The following GABBR2 variants were observed in gnomAD, a reference collection of about 807,000 sequenced individuals.
GABBR2 encodes the protein gamma-aminobutyric acid type B receptor subunit 2.
GABBR2 carries 23 observed loss-of-function variants against 105.6 expected under a neutral mutation model. The observed-to-expected ratio is 0.22, with a 90% CI of 0.16 to 0.31. The LOEUF is 0.31. GABBR2 is among the 10% of genes least tolerant of loss of function. GABBR2 has a pLI of 1.00. For synonymous variants in GABBR2, 478 were observed against 499.7 expected (o/e 0.96, Z 0.58); for missense variants, 734 against 1,245.5 (o/e 0.59, Z 6.18).
chr9:98,638,314 G>A (rs1342395676), intron 1 of GABBR2, among the ~76,000 whole-genome samples: 1 of 152,200 alleles, frequency 6.6e-6, no homozygotes, highest in African/African-American at 2.4e-5. Context: ...AGAGTTGTGA[G>A]CGTGCTTGAA....
Position 98,657,242 on chromosome 9 carries a change from C to T in GABBR2, c.321+51175G>A, listed in dbSNP as rs541085492. Among the ~76,000 whole-genome samples, 9 of 152,236 alleles carry T rather than the reference C, an allele frequency of 5.9e-5. 1 individual carries two copies. In the South Asian group the frequency reaches 1.2e-3, roughly 21 times the overall value. ...AAGTGTCAGCTGACATTTATCATTGCGGTTGCAAAGTGTTGTTTTTCTTAT... is the reference window on the plus strand; with the variant it reads ...AAGTGTCAGCTGACATTTATCATTGTGGTTGCAAAGTGTTGTTTTTCTTAT... On this transcript the variant is annotated intron_variant, in intron 1 of 18. Coordinates refer to ENST00000259455, the MANE Select transcript of GABBR2 (RefSeq NM_005458.8).
intron 2 of GABBR2, among the ~76,000 whole-genome samples, chr9:98,556,957 T>C (rs948350099): frequency 6.6e-6 from 1 of 152,128 alleles, no homozygotes; most frequent in Non-Finnish European, 1.5e-5. Context: ...GGCAGAAGAA[T>C]TGCTTAAGCC....
intron 1 of GABBR2, among the ~76,000 whole-genome samples, chr9:98,643,940 T>C (rs145194425): frequency 6.6e-6 from 1 of 152,268 alleles, no homozygotes; most frequent in Non-Finnish European, 1.5e-5. Context: ...TGCCTAAGCC[T>C]CCGGGGGCTA....
At chr9:98,331,585 T>C (rs1028602272) in intron 13 of GABBR2, among the ~76,000 whole-genome samples, 1 of 152,062 alleles carries the variant, frequency 6.6e-6, no homozygotes, top group Non-Finnish European at 1.5e-5. Flanking sequence ...TAACCCATCA[T>C]TGTGGCTCCA....
chr9:98,497,433 A>G (rs921687469), intron 3 of GABBR2, among the ~76,000 whole-genome samples: 2 of 152,118 alleles, frequency 1.3e-5, no homozygotes, highest in Non-Finnish European at 2.9e-5. Context: ...GAATTAAAAA[A>G]AAAAGAAAGT....
intron 7 of GABBR2, among the ~76,000 whole-genome samples, chr9:98,420,633 C>G (rs1206369400): frequency 6.6e-6 from 1 of 152,174 alleles, no homozygotes. Flanking sequence ...CACGAGTGCC[C>G]TGATTGGCAG....
chr9:98,612,637 G>C (rs1449437272), intron 1 of GABBR2, among the ~76,000 whole-genome samples: 3 of 152,152 alleles, frequency 2.0e-5, no homozygotes, highest in Non-Finnish European at 4.4e-5. Flanking sequence ...CCTCCTCCTT[G>C]CTGTAATAAA....
At chr9:98,426,830 A>G (rs1253265898) in intron 7 of GABBR2, among the ~76,000 whole-genome samples, 1 of 152,110 alleles carries the variant, frequency 6.6e-6, no homozygotes, top group Non-Finnish European at 1.5e-5. Flanking sequence ...GGTGAAACTC[A>G]GTCTCTACTA....
intron 1 of GABBR2, among the ~76,000 whole-genome samples, chr9:98,633,550 G>A (rs770204705): frequency 6.8e-5 from 10 of 147,778 alleles, no homozygotes; most frequent in South Asian, 2.2e-4. Flanking sequence ...GCTTGAACCC[G>A]GAGGTGGAGG....
chr9:98,558,554 C>T (rs1417999896), intron 2 of GABBR2, among the ~76,000 whole-genome samples: 1 of 152,200 alleles, frequency 6.6e-6, no homozygotes, highest in African/African-American at 2.4e-5. Flanking sequence ...AAGTTCATGG[C>T]TGGCAGGGCT....
At chr9:98,399,550 G>T (rs1832353307) in intron 8 of GABBR2, among the ~76,000 whole-genome samples, 1 of 152,092 alleles carries the variant, frequency 6.6e-6, no homozygotes, top group South Asian at 2.1e-4. Flanking sequence ...TGAGGGCAAG[G>T]ATTGCATCTT....
At chr9:98,667,472 G>A (rs751392522) in intron 1 of GABBR2, among the ~76,000 whole-genome samples, 7 of 152,164 alleles carry the variant, frequency 4.6e-5, no homozygotes, top group Non-Finnish European at 1.0e-4. Context: ...AGTGAGCTGC[G>A]TTACCCACAT....
rs145401453 is a variant in GABBR2, at chr9:98,316,431, C to T, written c.1894-5226G>A. Among the ~76,000 whole-genome samples, 230 of 152,336 alleles carry T rather than the reference C, an allele frequency of 1.5e-3. 1 individual carries two copies. Among genetic ancestry groups the T allele is most frequent in the African/African-American group, 4.9e-3 (203 of 41,576 alleles). ...CCTCCCAAAGTGCTGGGATTACAGACGTGAGCCGCTGCACCCGGCCACTTT... is the reference window on the plus strand; with the variant it reads ...CCTCCCAAAGTGCTGGGATTACAGATGTGAGCCGCTGCACCCGGCCACTTT... On this transcript the variant is annotated intron_variant, in intron 13 of 18. Transcript: ENST00000259455.
At chr9:98,431,536 C>A (rs554624335) in intron 7 of GABBR2, among the ~76,000 whole-genome samples, 1 of 151,918 alleles carries the variant, frequency 6.6e-6, no homozygotes, top group South Asian at 2.1e-4. Flanking sequence ...AATTCTGATG[C>A]ATGTGTGGGA....
chr9:98,337,341 A>T (rs549902203), intron 13 of GABBR2, among the ~76,000 whole-genome samples: 2 of 152,282 alleles, frequency 1.3e-5, no homozygotes, highest in South Asian at 4.1e-4. Flanking sequence ...ATTAAAGAAG[A>T]CCTAAATAAA....
At chr9:98,596,318 T>G (rs1829233116) in intron 1 of GABBR2, among the ~76,000 whole-genome samples, 1 of 152,150 alleles carries the variant, frequency 6.6e-6, no homozygotes, top group South Asian at 2.1e-4. Context: ...AGCTGTTCCA[T>G]GTACTGCCTC....
chr9:98,590,561 C>T (rs925191910), intron 1 of GABBR2, among the ~76,000 whole-genome samples: 5 of 152,254 alleles, frequency 3.3e-5, no homozygotes, highest in Admixed American at 3.3e-4. Context: ...GGGTCACAAA[C>T]ACAAAGTGTA....
intron 1 of GABBR2, among the ~76,000 whole-genome samples, chr9:98,604,269 AC>A (rs1390849786): frequency 1.3e-5 from 2 of 151,960 alleles, no homozygotes; most frequent in Admixed American, 1.3e-4. Context: ...TTATTCCCCC[AC>A]CCAACCTCCC....
chr9:98,366,320 C>T (rs551433095), intron 12 of GABBR2, among the ~76,000 whole-genome samples: 19 of 152,278 alleles, frequency 1.2e-4, no homozygotes, highest in South Asian at 4.1e-4. Context: ...TTAATGGGAA[C>T]GTAGCCTTGC....
Sources: gnomAD v4.1 joint callset for allele counts (sites outside exome capture counted in the v4.1 genomes callset) on GRCh38, gnomAD v4.1.1 for gene constraint, MANE v1.5 for transcripts, NCBI Gene and HGNC (gene_info 2026-07-23, HGNC 2026-07-21) for gene names.